The following BRWD3 variants were observed in gnomAD, a reference collection of about 807,000 sequenced individuals.
BRWD3 encodes the protein bromodomain and WD repeat domain containing 3, also known as bromodomain and WD repeat-containing protein 3.
BRWD3 carries 10 observed loss-of-function variants against 149.7 expected under a neutral mutation model. That is an observed-to-expected ratio of 0.07 (90% CI 0.04 to 0.11). The LOEUF (loss-of-function observed/expected upper bound fraction) is 0.11. BRWD3 is among the 10% of genes least tolerant of loss of function. The probability of loss-of-function intolerance (pLI) is 1.00; values close to 1 mark genes in which losing one functional copy is unlikely to be tolerated. For synonymous variants in BRWD3, 504 were observed against 456.7 expected (o/e 1.10, Z -1.32); for missense variants, 940 against 1,373.2 (o/e 0.68, Z 4.99).
At chrX:80,802,179 G>A (rs897710319) in intron 4 of BRWD3, among the ~76,000 whole-genome samples, 3 of 111,153 alleles carry the variant, frequency 2.7e-5, no homozygotes, top group South Asian at 7.5e-4. Context: ...GGTGGCTCAC[G>A]CCTGTAATCC....
Position 80,673,030 on chromosome X carries a change from C to T in BRWD3, c.*3579G>A, listed in dbSNP as rs2072335169. The T allele has an allele frequency of 8.9e-6, 1 of 112,080 alleles. No homozygotes were observed. The highest frequency in any genetic ancestry group is 1.9e-5 in the Non-Finnish European group (1 of 53,236). 9.2% of individuals were successfully genotyped at this position (112,080 alleles called of 1,213,427 possible). On this transcript the variant is annotated 3_prime_UTR_variant, in exon 41 of 41. Transcript: ENST00000373275. ...AGTTTTATCAAAAAGTTAGAAGTGG[C>T]ATTTATATCTTTCTCTCTCAATCAC...
rs1483876946 is a variant in BRWD3 at position 80,676,365 on chromosome X, G to T, written c.*244C>A. The T allele has an allele frequency of 2.4e-6, 1 of 414,307 alleles. No homozygotes were observed. The highest frequency in any genetic ancestry group is 4.2e-6 in the Non-Finnish European group (1 of 237,176). The allele number at this position is 414,307 out of a possible 1,213,427, so 34.1% of individuals were successfully genotyped here. The stretch of plus-strand genomic sequence containing the variant: ...TGTGTCTGTGTGTGTGTATGTGTGT[G>T]TATGTGTTTGTGTGTGTGTGGGCAG... On this transcript the variant is annotated 3_prime_UTR_variant, in exon 41 of 41. Coordinates refer to ENST00000373275, the MANE Select transcript of BRWD3 (RefSeq NM_153252.5).
In BRWD3 at chrX:80,723,051, C is replaced by T. The variant is rs190690407; in HGVS notation, c.1651-264G>A. The stretch of plus-strand genomic sequence containing the variant: ...ATTATGATAAGAAGAACTAAAGCAA[C>T]AACCCAGTAGATATAGTTGGGCGTT... On this transcript the variant is annotated intron_variant, in intron 16 of 40. Transcript: ENST00000373275. 1.3e-4 allele frequency among the ~76,000 whole-genome samples: 15 copies of T among 111,590 alleles called. 1 individual carries two copies. In the East Asian group the frequency reaches 3.4e-3, roughly 25 times the overall value.
At chrX:80,710,152 T>C (rs1286971522) in intron 20 of BRWD3, 5 of 528,609 alleles carry the variant, frequency 9.5e-6, no homozygotes. Flanking sequence ...GGCTTACTGA[T>C]GATGGTAAAC....
intron 6 of BRWD3, among the ~76,000 whole-genome samples, chrX:80,782,348 AG>A (rs1265862849): frequency 9.0e-6 from 1 of 111,485 alleles, no homozygotes; most frequent in Non-Finnish European, 1.9e-5. Flanking sequence ...GCCATATACA[AG>A]AATCAAATCA....
chrX:80,739,933 G>A (rs988765594), intron 8 of BRWD3, among the ~76,000 whole-genome samples: 2 of 111,951 alleles, frequency 1.8e-5, no homozygotes, highest in Non-Finnish European at 3.8e-5. Context: ...AAGCCAAACC[G>A]CAGATAAGGG....
At chrX:80,800,353 A>C (rs1327134553) in intron 4 of BRWD3, among the ~76,000 whole-genome samples, 1 of 105,663 alleles carries the variant, frequency 9.5e-6, no homozygotes, top group Non-Finnish European at 1.9e-5. Flanking sequence ...CAGCCTGGGC[A>C]AAAAAAAGTG....
chrX:80,790,193 C>CAAA (rs10711199), intron 6 of BRWD3, among the ~76,000 whole-genome samples: 16 of 35,306 alleles, frequency 4.5e-4, no homozygotes, highest in African/African-American at 1.3e-3. Flanking sequence ...GACTCTGTCT[C>CAAA]AAAAAAAAAA....
intron 6 of BRWD3, among the ~76,000 whole-genome samples, chrX:80,784,786 T>A (rs1182956547): frequency 8.9e-6 from 1 of 112,185 alleles, no homozygotes; most frequent in Non-Finnish European, 1.9e-5. Flanking sequence ...CTGCCTATCA[T>A]TGATGGGCAT....
intron 17 of BRWD3, 71 bp downstream of exon 17, chrX:80,722,491 T>C (rs1393450782): frequency 1.0e-6 from 1 of 967,772 alleles, no homozygotes; most frequent in African/African-American, 1.9e-5. Flanking sequence ...GAGGCATACA[T>C]CATAGAGAGA....
At chrX:80,737,998 G>A (rs1363564961) in intron 8 of BRWD3, among the ~76,000 whole-genome samples, 1 of 112,604 alleles carries the variant, frequency 8.9e-6, no homozygotes, top group Non-Finnish European at 1.9e-5. Context: ...ACAGAGCTGA[G>A]CAGTTGTGAC....
rs996724905 is a variant in BRWD3, at chrX:80,671,903, T to C, written c.*4706A>G. The C allele has an allele frequency of 7.1e-5, 8 of 112,158 alleles. No homozygotes were observed. The highest frequency in any genetic ancestry group is 1.5e-4 in the Non-Finnish European group (8 of 53,205). The allele number at this position is 112,158 out of a possible 1,213,427, so 9.2% of individuals were successfully genotyped here. On this transcript the variant is annotated 3_prime_UTR_variant, in exon 41 of 41. Transcript: ENST00000373275. ...ATTACTGATTGCCATCACCACAGTA[T>C]TGTTTAAGAATTAACATTTGTAGTA...
At chrX:80,713,304 AAAG>A (rs998210068) in intron 20 of BRWD3, among the ~76,000 whole-genome samples, 2 of 112,028 alleles carry the variant, frequency 1.8e-5, no homozygotes, top group African/African-American at 6.5e-5. Flanking sequence ...GTCTGTGTAG[AAAG>A]AAGTAGACAT....
chrX:80,726,357 T>A (rs1468437630), intron 14 of BRWD3, among the ~76,000 whole-genome samples: 1 of 63,142 alleles, frequency 1.6e-5, no homozygotes, highest in Non-Finnish European at 3.0e-5. Context: ...GTATAACATA[T>A]AACATGTTTA....
At chrX:80,698,156 G>A (rs1442866346) in intron 25 of BRWD3, among the ~76,000 whole-genome samples, 2 of 111,656 alleles carry the variant, frequency 1.8e-5, no homozygotes, top group Non-Finnish European at 3.8e-5. Flanking sequence ...AAATGAGATT[G>A]TTTGTTTTTT....
intron 38 of BRWD3, 60 bp downstream of exon 38, chrX:80,682,405 A>G (rs935881847): frequency 4.3e-5 from 49 of 1,141,517 alleles, no homozygotes; most frequent in East Asian, 4.2e-4. Flanking sequence ...ACTTTCACAA[A>G]TTAGGTAATA....
chrX:80,772,024 T>C (rs1468170884), intron 6 of BRWD3, among the ~76,000 whole-genome samples: 1 of 111,367 alleles, frequency 9.0e-6, no homozygotes, highest in African/African-American at 3.3e-5. Flanking sequence ...TTGGTGGGAG[T>C]GTAAACTAGT....
Position 80,718,147 on chromosome X carries a change from G to C in BRWD3, c.2045-388C>G, listed in dbSNP as rs777442701. Among the ~76,000 whole-genome samples, 9 of 111,288 alleles carry C rather than the reference G, an allele frequency of 8.1e-5. No homozygotes were observed. The East Asian group carries it at 2.0e-3, about 24-fold the overall frequency. ...TGTTCTCTCCATTACAGTGTTTCTA[G>C]ATAAAACATCAATAAAACTTTCAAA... On this transcript the variant is annotated intron_variant, in intron 18 of 40. Transcript: ENST00000373275.
chrX:80,720,228 C>A (rs1342668150), intron 17 of BRWD3, among the ~76,000 whole-genome samples: 2 of 111,108 alleles, frequency 1.8e-5, no homozygotes, highest in Non-Finnish European at 3.8e-5. Context: ...TGTAAAACAG[C>A]CTCAAGAAGG....
Sources: gnomAD v4.1 joint callset for allele counts (sites outside exome capture counted in the v4.1 genomes callset) on GRCh38, gnomAD v4.1.1 for gene constraint, MANE v1.5 for transcripts, NCBI Gene and HGNC (gene_info 2026-07-23, HGNC 2026-07-21) for gene names.